Variants in DSCAM observed in about 807,000 individuals in gnomAD.
The protein encoded by DSCAM is cell adhesion molecule DSCAM.
A neutral mutation model predicts 217.7 loss-of-function variants in DSCAM; 47 were observed. The observed-to-expected ratio is 0.22, with a 90% confidence interval of 0.17 to 0.28. The LOEUF is 0.28. Among genes scored for constraint, DSCAM ranks in the 10% least tolerant of loss-of-function variants. The pLI is 1.00. For missense variants in DSCAM, 2,080 were observed against 2,618.3 expected (o/e 0.79, Z 4.49); for synonymous variants, 1,056 against 1,015.3 (o/e 1.04, Z -0.76).
intron 11 of DSCAM, among the ~76,000 whole-genome samples, chr21:40,243,872 T>C (rs1028481286): frequency 1.3e-5 from 2 of 151,738 alleles, no homozygotes; most frequent in African/African-American, 4.8e-5. Context: ...ACCGGGGCAG[T>C]GATCCACACA....
At chr21:40,794,372 A>C (rs1322820501) in intron 1 of DSCAM, among the ~76,000 whole-genome samples, 1 of 152,140 alleles carries the variant, frequency 6.6e-6, no homozygotes, top group Non-Finnish European at 1.5e-5. Flanking sequence ...ATTTGGCAAC[A>C]ATAGAAGTGG....
intron 3 of DSCAM, among the ~76,000 whole-genome samples, chr21:40,606,880 A>G (rs1395702543): frequency 1.3e-5 from 2 of 152,184 alleles, no homozygotes; most frequent in East Asian, 3.9e-4. Context: ...GTGACAATGA[A>G]TAAGTCTCAC....
chr21:40,095,165 G>A (rs1189908271), intron 20 of DSCAM, among the ~76,000 whole-genome samples: 2 of 152,200 alleles, frequency 1.3e-5, no homozygotes, highest in African/African-American at 4.8e-5. Flanking sequence ...CAAGCAAAAG[G>A]GGTTCCCCCT....
At chr21:40,182,305 A>G (rs1196875321) in intron 14 of DSCAM, among the ~76,000 whole-genome samples, 2 of 152,088 alleles carry the variant, frequency 1.3e-5, no homozygotes, top group Non-Finnish European at 2.9e-5. Context: ...CTTCTCAAGG[A>G]TAACAGTCCT....
intron 3 of DSCAM, among the ~76,000 whole-genome samples, chr21:40,563,984 G>A (rs2076746560): frequency 1.3e-5 from 2 of 152,176 alleles, no homozygotes; most frequent in Non-Finnish European, 2.9e-5. Context: ...GCAGAGCTGT[G>A]AGCAAGGCCA....
At chr21:40,486,167 T>C (rs1237504943) in intron 3 of DSCAM, among the ~76,000 whole-genome samples, 1 of 152,170 alleles carries the variant, frequency 6.6e-6, no homozygotes, top group Non-Finnish European at 1.5e-5. Flanking sequence ...ATCCACTCAG[T>C]TGCTAGTGAA....
intron 3 of DSCAM, among the ~76,000 whole-genome samples, chr21:40,507,376 T>C (rs943045916): frequency 5.9e-5 from 9 of 152,196 alleles, no homozygotes; most frequent in South Asian, 4.1e-4. Context: ...TTAAAGCATA[T>C]AGCTCTTCTA....
intron 20 of DSCAM, among the ~76,000 whole-genome samples, chr21:40,108,034 G>C (rs2146626994): frequency 6.6e-6 from 1 of 152,230 alleles, no homozygotes; most frequent in Admixed American, 6.5e-5. Context: ...ACCCATATAT[G>C]ACAAACCCAC....
intron 1 of DSCAM, among the ~76,000 whole-genome samples, chr21:40,733,659 A>G (rs1000769637): frequency 6.6e-6 from 1 of 152,154 alleles, no homozygotes; most frequent in African/African-American, 2.4e-5. Flanking sequence ...GACTTATCAG[A>G]GAGGTGAGTT....
intron 1 of DSCAM, among the ~76,000 whole-genome samples, chr21:40,817,086 C>CTTTTTTTTTTTTTTT: frequency 6.8e-6 from 1 of 147,528 alleles, no homozygotes. Flanking sequence ...AAATTAGATT[C>CTTTTTTTTTTTTTTT]TTTTTTTTTT....
At chr21:40,172,885 G>C (rs1211995658) in intron 15 of DSCAM, among the ~76,000 whole-genome samples, 1 of 152,210 alleles carries the variant, frequency 6.6e-6, no homozygotes, top group African/African-American at 2.4e-5. Flanking sequence ...GAGTTGGGTG[G>C]GTGGGCGAGA....
At chr21:40,821,002 C>T (rs2091920465) in intron 1 of DSCAM, among the ~76,000 whole-genome samples, 1 of 150,698 alleles carries the variant, frequency 6.6e-6, no homozygotes, top group Non-Finnish European at 1.5e-5. Flanking sequence ...TATGTATGAA[C>T]TGTAGTTGGG....
intron 24 of DSCAM, among the ~76,000 whole-genome samples, chr21:40,082,812 A>G (rs780796488): frequency 8.6e-5 from 13 of 152,042 alleles, no homozygotes; most frequent in Non-Finnish European, 1.5e-4. Flanking sequence ...TCTGATTTCC[A>G]TGGTGAGGGA....
At chr21:40,613,439 A>G (rs556805836) in intron 3 of DSCAM, among the ~76,000 whole-genome samples, 12 of 152,170 alleles carry the variant, frequency 7.9e-5, no homozygotes, top group Admixed American at 2.6e-4. Context: ...GTGGTTTTAT[A>G]TTCCTAATTC....
chr21:40,620,026 AAGAGAG>A (rs1278050245), intron 3 of DSCAM, among the ~76,000 whole-genome samples: 2 of 108,158 alleles, frequency 1.8e-5, no homozygotes, highest in African/African-American at 8.6e-5. Flanking sequence ...AAAAGAAAGA[AAGAGAG>A]AGAGAAAGAG....
intron 32 of DSCAM, among the ~76,000 whole-genome samples, chr21:40,029,256 A>G (rs1231711202): frequency 6.6e-6 from 1 of 152,096 alleles, no homozygotes; most frequent in African/African-American, 2.4e-5. Flanking sequence ...AAGCCATTAC[A>G]TGAAGCTACT....
At chr21:40,376,547 T>TATATAG (rs1555911087) in intron 3 of DSCAM, among the ~76,000 whole-genome samples, 20 of 81,458 alleles carry the variant, frequency 2.5e-4, no homozygotes, top group Admixed American at 7.7e-4. Context: ...CGATATATCT[T>TATATAG]ATATCGATAT....
intron 3 of DSCAM, among the ~76,000 whole-genome samples, chr21:40,490,314 G>A (rs1225014608): frequency 3.3e-5 from 5 of 152,036 alleles, no homozygotes; most frequent in Non-Finnish European, 2.9e-5. Flanking sequence ...GATTTGCTAA[G>A]GACAGTGTTA....
At chr21:40,185,908 C>T in intron 14 of DSCAM, among the ~76,000 whole-genome samples, 1 of 152,138 alleles carries the variant, frequency 6.6e-6, no homozygotes, top group East Asian at 1.9e-4. Context: ...TACGGTGAGA[C>T]TTGCAGTCCA....
Sources: allele counts gnomAD v4.1 joint callset (sites outside exome capture counted in the v4.1 genomes callset), GRCh38; gene constraint gnomAD v4.1.1; transcripts MANE v1.5; gene names NCBI Gene and HGNC (gene_info 2026-07-23, HGNC 2026-07-21).